Variants in UMAD1 observed in about 807,000 individuals in gnomAD.
The protein encoded by UMAD1 is UBAP1-MVB12-associated (UMA)-domain containing protein 1.
UMAD1 carries 8 observed loss-of-function variants against 6.1 expected under a neutral mutation model. The observed-to-expected ratio is 1.30, with a 90% CI of 0.76 to 2.35. The LOEUF (loss-of-function observed/expected upper bound fraction) is 2.35, where lower values mean the gene tolerates loss of function less well. UMAD1 is among the 30% of genes most tolerant of loss of function. The pLI is 0.00. For synonymous variants in UMAD1, 56 were observed against 31.4 expected, an observed-to-expected ratio of 1.78 and a Z score of -2.61; for missense variants, 130 against 78.4, an observed-to-expected ratio of 1.66 and a Z score of -2.49.
At chr7:7,818,118 T>G (rs898243762) in intron 3 of UMAD1, among the ~76,000 whole-genome samples, 5 of 152,182 alleles carry the variant, frequency 3.3e-5, no homozygotes, top group Non-Finnish European at 7.3e-5. Flanking sequence ...TTAGTTATTT[T>G]TTCTGCTTCT....
chr7:7,821,366 C>G (rs1783238575), intron 3 of UMAD1, among the ~76,000 whole-genome samples: 1 of 152,092 alleles, frequency 6.6e-6, no homozygotes, highest in Non-Finnish European at 1.5e-5. Flanking sequence ...TACATGTTGC[C>G]ATGATAATGT....
intron 3 of UMAD1, among the ~76,000 whole-genome samples, chr7:7,804,006 A>G (rs1432671664): frequency 6.6e-6 from 1 of 152,232 alleles, no homozygotes; most frequent in Non-Finnish European, 1.5e-5. Context: ...TTTTAAGATT[A>G]CAATCCACAG....
intron 2 of UMAD1, among the ~76,000 whole-genome samples, chr7:7,691,065 C>T (rs180678250): frequency 5.9e-5 from 9 of 152,252 alleles, no homozygotes; most frequent in Non-Finnish European, 1.2e-4. Context: ...ATTTGTGCTC[C>T]ATGTGACCCT....
chr7:7,743,034 A>G (rs1781504986), intron 2 of UMAD1, among the ~76,000 whole-genome samples: 1 of 152,106 alleles, frequency 6.6e-6, no homozygotes, highest in African/African-American at 2.4e-5. Flanking sequence ...ATATGTGTTT[A>G]CATTCCTGTT....
In UMAD1 at chr7:7,741,580, AT is replaced by A. The variant is rs1457947103; in HGVS notation, c.83-60089del. 9.9e-3 allele frequency among the ~76,000 whole-genome samples: 925 copies of A among 92,980 alleles called. 14 individuals carry two copies. The highest frequency in any genetic ancestry group is 0.043 in the South Asian group (145 of 3,386). The allele number at this position is 92,980 out of a possible 152,430, so 61.0% of individuals were successfully genotyped here. A position where few individuals can be genotyped will look rare whatever the true frequency, so the allele number is the denominator to read the frequency against. On this transcript the variant is annotated intron_variant, in intron 2 of 3. Coordinates refer to ENST00000682710, the MANE Select transcript of UMAD1 (RefSeq NM_001302348.2). Reference sequence around the variant, plus strand: ...CTACAGAGCGAGACAACGTCTCAAAATAATAATAATAATAATAATAATAATA... The same window carrying A: ...CTACAGAGCGAGACAACGTCTCAAAAAATAATAATAATAATAATAATAATA...
At chr7:7,783,203 G>C (rs1270551474) in intron 2 of UMAD1, among the ~76,000 whole-genome samples, 2 of 152,208 alleles carry the variant, frequency 1.3e-5, no homozygotes, top group Non-Finnish European at 1.5e-5. Context: ...GTCTAAGTTT[G>C]TAAAATGAAA....
intron 3 of UMAD1, among the ~76,000 whole-genome samples, chr7:7,854,485 G>A (rs192167975): frequency 4.0e-5 from 6 of 151,820 alleles, no homozygotes; most frequent in Non-Finnish European, 7.4e-5. Context: ...AAGAGAGAAT[G>A]AGTACCAGCA....
chr7:7,748,103 A>ATTTTTTTTTTTTTTTTTT (rs35368211), intron 2 of UMAD1, among the ~76,000 whole-genome samples: 16 of 140,162 alleles, frequency 1.1e-4, no homozygotes, highest in African/African-American at 3.6e-4. Flanking sequence ...CGCCCAGCTA[A>ATTTTTTTTTTTTTTTTTT]TTTTTTTTTT....
intron 3 of UMAD1, among the ~76,000 whole-genome samples, chr7:7,806,162 A>C (rs759316425): frequency 6.6e-6 from 1 of 152,124 alleles, no homozygotes; most frequent in African/African-American, 2.4e-5. Flanking sequence ...TCCTACACCA[A>C]CTAGGTCCTC....
intron 2 of UMAD1, among the ~76,000 whole-genome samples, chr7:7,791,626 A>G (rs749076315): frequency 1.6e-4 from 24 of 152,218 alleles, no homozygotes; most frequent in Non-Finnish European, 2.2e-4. Flanking sequence ...TTCCAGAAAA[A>G]TTATTACCCC....
chr7:7,678,316 T>C (rs2115116388), intron 2 of UMAD1, among the ~76,000 whole-genome samples: 1 of 151,134 alleles, frequency 6.6e-6, no homozygotes, highest in East Asian at 1.9e-4. Context: ...TTGATTTTGA[T>C]TTGCATTTCT....
At chr7:7,795,402 G>C (rs1782656829) in intron 2 of UMAD1, among the ~76,000 whole-genome samples, 1 of 152,188 alleles carries the variant, frequency 6.6e-6, no homozygotes, top group Non-Finnish European at 1.5e-5. Context: ...TGTGTTCCTT[G>C]ATTCTTAAGA....
chr7:7,644,390 T>C (rs144967846), intron 1 of UMAD1, among the ~76,000 whole-genome samples: 2 of 152,018 alleles, frequency 1.3e-5, no homozygotes, highest in African/African-American at 2.4e-5. Flanking sequence ...TCTTTTAATA[T>C]AGTTAAACAT....
At chr7:7,719,173 A>G (rs954990452) in intron 2 of UMAD1, among the ~76,000 whole-genome samples, 2 of 152,196 alleles carry the variant, frequency 1.3e-5, no homozygotes, top group Non-Finnish European at 2.9e-5. Context: ...AATTCAGAAG[A>G]TCTAGCAGAT....
intron 1 of UMAD1, among the ~76,000 whole-genome samples, chr7:7,656,683 A>G (rs934095211): frequency 1.3e-5 from 2 of 152,162 alleles, no homozygotes; most frequent in Admixed American, 6.5e-5. Context: ...TCCATGGTGT[A>G]TATGTGCCAC....
chr7:7,738,503 A>G (rs1319253915), intron 2 of UMAD1: 1 of 152,240 alleles, frequency 6.6e-6, no homozygotes, highest in Non-Finnish European at 1.5e-5. Context: ...GCAAAATAAC[A>G]TGGTTGTAAA....
At chr7:7,784,461 G>A (rs1206150021) in intron 2 of UMAD1, among the ~76,000 whole-genome samples, 3 of 149,196 alleles carry the variant, frequency 2.0e-5, no homozygotes, top group African/African-American at 4.9e-5. Flanking sequence ...TCAGCCTCCC[G>A]AGTAGCTGGG....
At chr7:7,745,258 G>A (rs1781550069) in intron 2 of UMAD1, among the ~76,000 whole-genome samples, 2 of 152,142 alleles carry the variant, frequency 1.3e-5, no homozygotes, top group Admixed American at 6.5e-5. Flanking sequence ...GAGTGGCAGA[G>A]GGGGAAGAAA....
intron 3 of UMAD1, among the ~76,000 whole-genome samples, chr7:7,862,845 C>T (rs1438538628): frequency 2.0e-5 from 3 of 152,136 alleles, no homozygotes; most frequent in Non-Finnish European, 4.4e-5. Flanking sequence ...AAACTACAGA[C>T]AAGTAACCTT....
Sources: allele counts gnomAD v4.1 joint callset (sites outside exome capture counted in the v4.1 genomes callset), GRCh38; gene constraint gnomAD v4.1.1; transcripts MANE v1.5; gene names NCBI Gene and HGNC (gene_info 2026-07-23, HGNC 2026-07-21).